TSPOAP1: variants seen among roughly 807,000 people sequenced by gnomAD.
TSPOAP1 encodes peripheral-type benzodiazepine receptor-associated protein 1.
In TSPOAP1, 87 loss-of-function variants were observed where a neutral mutation model predicts 197.0. The observed-to-expected ratio is 0.44, with a 90% CI of 0.37 to 0.53. TSPOAP1 has a LOEUF of 0.53. Among genes scored for constraint, TSPOAP1 ranks in the 20% least tolerant of loss-of-function variants. TSPOAP1 has a pLI of 0.00. For synonymous variants in TSPOAP1, 913 were observed against 998.9 expected, an observed-to-expected ratio of 0.91 and a Z score of 1.62; for missense variants, 2,174 against 2,411.3, an observed-to-expected ratio of 0.90 and a Z score of 2.06.
At position 58,304,614 on chromosome 17, in the gene TSPOAP1, A is replaced by C. The variant is rs1010506681; in HGVS notation, c.5545-215T>G. 1.9e-5 allele frequency: 11 copies of C among 592,424 alleles called. No homozygotes were observed. Among genetic ancestry groups the C allele is most frequent in the Non-Finnish European group, 3.3e-5 (11 of 329,698 alleles). 36.7% of individuals were successfully genotyped at this position (592,424 alleles called of 1,614,324 possible). On this transcript the variant is annotated intron_variant, in intron 30 of 31. Transcript: ENST00000343736. The surrounding 1 kb of genome is among the most constrained non-coding windows in gnomAD (Gnocchi z 4.2). Reference sequence around the variant, plus strand: ...GGCTTAGTTGTATTCCACTCACCCCAAGGAGAGGCAAGCTCAAGGAACGAG... The same window carrying C: ...GGCTTAGTTGTATTCCACTCACCCCCAGGAGAGGCAAGCTCAAGGAACGAG...
At position 58,316,374 on chromosome 17, in the gene TSPOAP1, T is replaced by G. The variant is rs1469422565; in HGVS notation, c.1988+51A>C. ...TCCAGCTCCACCCGGCCCCCTCCTA[T>G]ACCCCAAATGCTGGGGCTGGGCTAG... On this transcript the variant is annotated intron_variant, in intron 15 of 31. Coordinates refer to ENST00000343736, the MANE Select transcript of TSPOAP1 (RefSeq NM_004758.4). 4 of 1,521,722 alleles carry G rather than the reference T, an allele frequency of 2.6e-6. No homozygotes were observed. In the East Asian group the frequency reaches 9.1e-5, roughly 34 times the overall value. The allele number at this position is 1,521,722 out of a possible 1,614,324, so 94.3% of individuals were successfully genotyped here.
Position 58,306,355 on chromosome 17 carries a change from G to A in TSPOAP1, c.5211C>T (p.Arg1737=). 2 of 1,554,444 alleles carry A rather than the reference G, an allele frequency of 1.3e-6. No homozygotes were observed. Among genetic ancestry groups the A allele is most frequent in the South Asian group, 2.4e-5 (2 of 84,222 alleles). ...GGTCTTACCCACCTTTCTTGGAGCGGCGGGGCTTGGGAGGAGGCCCAGTTG... is the reference window on the plus strand; with the variant it reads ...GGTCTTACCCACCTTTCTTGGAGCGACGGGGCTTGGGAGGAGGCCCAGTTG... ...AHTTGPPPKP[R]RSKKAESEGP... Residue 1737 remains arginine, a synonymous_variant, in exon 26 of 32, where the codon CGC becomes CGT. Transcript: ENST00000343736.
intron 14 of TSPOAP1, among the ~76,000 whole-genome samples, chr17:58,316,800 C>A (rs530802723): frequency 5.3e-5 from 8 of 152,244 alleles, no homozygotes; most frequent in Non-Finnish European, 1.2e-4. Flanking sequence ...CTACTGCACC[C>A]GCCAGGAAAT....
intron 28 of TSPOAP1, 30 bp from the exon 29 acceptor site, chr17:58,305,488 C>G (rs1970855112): frequency 6.2e-7 from 1 of 1,613,356 alleles, no homozygotes; most frequent in South Asian, 1.1e-5. Context: ...GGCATCAGGC[C>G]CAGGAAGGCT....
At position 58,309,243 on chromosome 17, in the gene TSPOAP1, C is replaced by T; in HGVS notation, c.4029G>A (p.Glu1343=). The T allele has an allele frequency of 2.5e-6, 4 of 1,613,878 alleles. No homozygotes were observed. The highest frequency in any genetic ancestry group is 2.7e-5 in the African/African-American group (2 of 75,040). The part of the protein sequence containing the change: ...PEEEEEEEED[E]EEEKSGAGCS... ...AGCCTGCCCCTGACTTCTCCTCCTC[C>T]TCGTCCTCCTCTTCCTCTTCCTCCT... Residue 1343 remains glutamate (E), a synonymous_variant, in exon 22 of 32, where the codon GAG becomes GAA. Coordinates refer to ENST00000343736, the MANE Select transcript of TSPOAP1 (RefSeq NM_004758.4). This position sits in a 1 kb window ranked among gnomAD's most constrained non-coding sequence, Gnocchi z 5.0.
chr17:58,322,785 G>A lies in TSPOAP1; in HGVS notation c.1195-9C>T. 7 of 1,612,398 alleles carry A rather than the reference G, an allele frequency of 4.3e-6. No individual in the cohort carries two copies. The highest frequency in any genetic ancestry group is 5.9e-6 in the Non-Finnish European group (7 of 1,179,822). On this transcript the variant is annotated splice_polypyrimidine_tract_variant and intron_variant, in intron 8 of 31. Transcript: ENST00000343736. This position sits in a 1 kb window ranked among gnomAD's most constrained non-coding sequence, Gnocchi z 5.0. Reference sequence around the variant, plus strand: ...GCATTCTCCCACTCCACCTGGCGAGGGGGCAGTGACAGGGAGTTGGGTGGG... The same window carrying A: ...GCATTCTCCCACTCCACCTGGCGAGAGGGCAGTGACAGGGAGTTGGGTGGG...
chr17:58,328,176 C>T lies in TSPOAP1; in HGVS notation c.-256G>A, dbSNP rs555250136. 1.5e-5 allele frequency: 8 copies of T among 531,672 alleles called. No homozygotes were observed. The highest frequency in any genetic ancestry group is 9.3e-5 in the East Asian group (3 of 32,356). The allele number at this position is 531,672 out of a possible 1,614,324, so 32.9% of individuals were successfully genotyped here. A position where few individuals can be genotyped will look rare whatever the true frequency, so the allele number is the denominator to read the frequency against. On this transcript the variant is annotated 5_prime_UTR_variant, in exon 1 of 32. Coordinates refer to ENST00000343736, the MANE Select transcript of TSPOAP1 (RefSeq NM_004758.4). This position sits in a 1 kb window ranked among gnomAD's most constrained non-coding sequence, Gnocchi z 4.3. ...GTGTGTGCGCGAGTATGTGGAGGAG[C>T]GAGGGTGTCCCTGTGGGGGTAGGGA...
chr17:58,316,237 G>T, intron 15 of TSPOAP1, 105 bp from the exon 16 acceptor site: 3 of 1,171,084 alleles, frequency 2.6e-6, no homozygotes, highest in Non-Finnish European at 2.5e-6. Flanking sequence ...AGACTTGGTT[G>T]TGGTTGTCCA....
In TSPOAP1 at chr17:58,304,827, T is replaced by G. The variant is rs912438079; in HGVS notation, c.5544+234A>C. ...CACCAGGTGTTGGCAGCTGGCGAGA[T>G]GGCCTGAGGGTCAGGGTCACAGCTA... On this transcript the variant is annotated intron_variant, in intron 30 of 31. Coordinates refer to ENST00000343736, the MANE Select transcript of TSPOAP1 (RefSeq NM_004758.4). This position sits in a 1 kb window ranked among gnomAD's most constrained non-coding sequence, Gnocchi z 4.2. 1.6e-6 allele frequency: 1 copy of G among 637,052 alleles called. No individual in the cohort carries two copies. Among genetic ancestry groups the G allele is most frequent in the East Asian group, 2.8e-5 (1 of 35,840 alleles). 39.5% of individuals were successfully genotyped at this position (637,052 alleles called of 1,614,324 possible).
At chr17:58,307,057 CAGA>C in intron 24 of TSPOAP1, 89 bp from the exon 25 acceptor site, 1 of 1,374,808 alleles carries the variant, frequency 7.3e-7, no homozygotes, top group East Asian at 2.3e-5. Context: ...CTTGGAAATG[CAGA>C]AGAATGTTCT....
chr17:58,328,003 A>G lies in TSPOAP1; in HGVS notation c.-83T>C. 1 of 1,224,336 alleles carries G rather than the reference A, an allele frequency of 8.2e-7. No homozygotes were observed. The highest frequency in any genetic ancestry group is 1.1e-6 in the Non-Finnish European group (1 of 893,708). 75.8% of individuals were successfully genotyped at this position (1,224,336 alleles called of 1,614,324 possible). A position where few individuals can be genotyped will look rare whatever the true frequency, so the allele number is the denominator to read the frequency against. On this transcript the variant is annotated 5_prime_UTR_variant, in exon 1 of 32. Coordinates refer to ENST00000343736, the MANE Select transcript of TSPOAP1 (RefSeq NM_004758.4). The surrounding 1 kb of genome is among the most constrained non-coding windows in gnomAD (Gnocchi z 4.3). ...GGACTGGCGAGGGTCATGCCAGGCC[A>G]GCCCCTCTCCCCTCTGAGCTCTTGC...
rs1044084480 is a variant in TSPOAP1 at position 58,304,637 on chromosome 17, G to A, written c.5545-238C>T. On this transcript the variant is annotated intron_variant, in intron 30 of 31. Transcript: ENST00000343736. This position sits in a 1 kb window ranked among gnomAD's most constrained non-coding sequence, Gnocchi z 4.2. ...CCAAGGAGAGGCAAGCTCAAGGAAC[G>A]AGAACCCAGGAAGCTGGGCCTGGCT... 9 of 584,446 alleles carry A rather than the reference G, an allele frequency of 1.5e-5. No individual in the cohort carries two copies. Among genetic ancestry groups the A allele is most frequent in the African/African-American group, 3.7e-5 (2 of 53,562 alleles). The allele number at this position is 584,446 out of a possible 1,614,324, so 36.2% of individuals were successfully genotyped here.
chr17:58,306,520 G>C (rs1171089725), intron 25 of TSPOAP1, 107 bp from the exon 26 acceptor site: 3 of 1,127,606 alleles, frequency 2.7e-6, no homozygotes, highest in South Asian at 1.6e-5. Context: ...AGCTTGTTTC[G>C]TAAGGGCATT....
chr17:58,308,260 G>A (rs541710089), intron 22 of TSPOAP1, among the ~76,000 whole-genome samples: 9 of 152,394 alleles, frequency 5.9e-5, no homozygotes, highest in South Asian at 2.1e-4. Context: ...CACAGTCAGC[G>A]TCCTGAAGCC....
At chr17:58,316,379 C>A in intron 15 of TSPOAP1, 46 bp downstream of exon 15, 1 of 1,550,842 alleles carries the variant, frequency 6.4e-7, no homozygotes. Context: ...TCCTATACCC[C>A]AAATGCTGGG....
Position 58,322,898 on chromosome 17 carries a change from C to T in TSPOAP1, c.1194+52G>A, listed in dbSNP as rs539724310. 164 of 1,601,932 alleles carry T rather than the reference C, an allele frequency of 1.0e-4. No homozygotes were observed. In the South Asian group the frequency reaches 1.5e-3, roughly 14 times the overall value. On this transcript the variant is annotated intron_variant, in intron 8 of 31. Coordinates refer to ENST00000343736, the MANE Select transcript of TSPOAP1 (RefSeq NM_004758.4). The surrounding 1 kb of genome is among the most constrained non-coding windows in gnomAD (Gnocchi z 5.0). ...AGGAGAAAGCCCCTTGGCTGGGGAC[C>T]GGGGCAGTGGTGGGAGCACAGGTCT...
At chr17:58,325,092 G>T in intron 4 of TSPOAP1, 90 bp from the exon 5 acceptor site, 1 of 1,193,920 alleles carries the variant, frequency 8.4e-7, no homozygotes, top group Non-Finnish European at 1.1e-6. Context: ...CGCCTTGCTG[G>T]AGGGGCTCCG....
At position 58,322,388 on chromosome 17, in the gene TSPOAP1, G is replaced by A. The variant is rs372428940; in HGVS notation, c.1342C>T (p.Arg448Trp). ...LKHMREVAQR[R>W]QQLEVEHEQA... ...TCATGCTCCACCTCCAGCTGCTGCC[G>A]CCGCTGGGCCACCTCCCGCATGTGC... Residue 448 changes from arginine to tryptophan, a missense_variant, in exon 10 of 32, where the codon CGG becomes TGG. Physicochemically the swap from Arg to Trp is moderately radical, Grantham distance 101 (BLOSUM62 -3). Transcript: ENST00000343736. This position sits in a 1 kb window ranked among gnomAD's most constrained non-coding sequence, Gnocchi z 5.0. 140 of 1,606,262 alleles carry A rather than the reference G, an allele frequency of 8.7e-5. No homozygotes were observed. Among genetic ancestry groups the A allele is most frequent in the East Asian group, 3.6e-4 (16 of 44,884 alleles).
Position 58,327,693 on chromosome 17 carries a change from G to A in TSPOAP1, c.228C>T (p.Asp76=). 6.2e-7 allele frequency: 1 copy of A among 1,614,008 alleles called. No homozygotes were observed. Among genetic ancestry groups the A allele is most frequent in the Admixed American group, 1.7e-5 (1 of 60,032 alleles). Residue 76 remains aspartate (D), a synonymous_variant, in exon 1 of 32, where the codon GAC becomes GAT. Transcript: ENST00000343736. ...GCAGACAAGCCTCTGCTCCTTCAGG[G>A]TCAGTTCCCCCCACGGGCCTGGAGC... ...DGSSRPVGGT[D]PEGAEACLPS... is the part of the protein sequence containing the mutation.
Sources: gnomAD v4.1 joint callset for allele counts (sites outside exome capture counted in the v4.1 genomes callset) on GRCh38, gnomAD v4.1.1 for gene constraint, Gnocchi (gnomAD v3.1) non-coding constraint, MANE v1.5 for transcripts, NCBI Gene and HGNC (gene_info 2026-07-23, HGNC 2026-07-21) for gene names.